Variants in IGSF22 observed in about 807,000 individuals in gnomAD.
IGSF22 encodes immunoglobulin superfamily member 22.
A neutral mutation model predicts 127.0 loss-of-function variants in IGSF22; 119 were observed. That is an observed-to-expected ratio of 0.94 (90% CI 0.81 to 1.09). The LOEUF is 1.09. IGSF22 is among the 50% of genes least tolerant of loss of function. IGSF22 has a pLI of 0.00. For missense variants in IGSF22, 1,518 were observed against 1,716.6 expected, an observed-to-expected ratio of 0.88 and a Z score of 2.04; for synonymous variants, 568 against 664.7, an observed-to-expected ratio of 0.85 and a Z score of 2.24.
chr11:18,707,067 A>C lies in IGSF22; in HGVS notation c.3427T>G (p.Tyr1143Asp). 1.9e-6 allele frequency: 3 copies of C among 1,551,704 alleles called. No homozygotes were observed. The highest frequency in any genetic ancestry group is 2.6e-6 in the Non-Finnish European group (3 of 1,146,982). The change falls in exon 21 of 23, where the codon TAC (tyrosine) becomes GAC (aspartate). Residue 1143 changes from tyrosine to aspartate, a missense_variant. By Grantham distance (160) the Tyr-to-Asp change is radical. Around this residue, in one of 3 missense-constraint regions of IGSF22, gnomAD observed 1,456 missense variants for 1,644.9 expected, o/e 0.89. Transcript: ENST00000513874. ...MKRDASTATW[Y>D]TAAERVFSNK... is the part of the protein sequence containing the mutation. ...CTGAAGACACGCTCGGCTGCCGTGTACCAGGTGGCTGTGCTTGCATCCCGC... is the reference window on the plus strand; with the variant it reads ...CTGAAGACACGCTCGGCTGCCGTGTCCCAGGTGGCTGTGCTTGCATCCCGC...
chr11:18,720,701 G>C (rs1026072202), intron 4 of IGSF22, among the ~76,000 whole-genome samples: 1 of 152,198 alleles, frequency 6.6e-6, no homozygotes, highest in Admixed American at 6.5e-5. Context: ...ATGCCCGTCT[G>C]CATGGTGCTT....
At chr11:18,718,779 G>C (rs1350063509) in intron 7 of IGSF22, 51 bp from the exon 8 acceptor site, 3 of 1,104,044 alleles carry the variant, frequency 2.7e-6, no homozygotes, top group African/African-American at 3.1e-5. Context: ...CCCAAAGCCT[G>C]CCCAGACTGT....
rs1309546913 is a variant in IGSF22, at chr11:18,710,804, G to A, written c.2423C>T (p.Pro808Leu). 1 of 1,613,502 alleles carries A rather than the reference G, an allele frequency of 6.2e-7. No homozygotes were observed. Among genetic ancestry groups the A allele is most frequent in the Non-Finnish European group, 8.5e-7 (1 of 1,179,410 alleles). Reference protein sequence around the residue: ...PIEPPGFASQPQVTDVTKEAV... With the variant: ...PIEPPGFASQLQVTDVTKEAV... Reference sequence around the variant, plus strand: ...TTCTTTAGTCACATCAGTCACTTGAGGCTGGGAGGCAAAACCAGGAGGCTC... The same window carrying A: ...TTCTTTAGTCACATCAGTCACTTGAAGCTGGGAGGCAAAACCAGGAGGCTC... The change falls in exon 16 of 23, where the codon CCT becomes CTT. Residue 808 changes from proline (P) to leucine (L), a missense_variant. By Grantham distance (98) the Pro-to-Leu change is moderately conservative. Coordinates refer to ENST00000513874, the MANE Select transcript of IGSF22 (RefSeq NM_173588.4).
At position 18,717,966 on chromosome 11, in the gene IGSF22, C is replaced by G. The variant is rs574125751; in HGVS notation, c.938G>C (p.Gly313Ala). Residue 313 changes from glycine (G) to alanine (A), a missense_variant, in exon 9 of 23, where the codon GGC (glycine) becomes GCC (alanine). Around this residue, in one of 3 missense-constraint regions of IGSF22, gnomAD observed 1,456 missense variants for 1,644.9 expected, o/e 0.89. Coordinates refer to ENST00000513874, the MANE Select transcript of IGSF22 (RefSeq NM_173588.4). ...NDAGIYSLSV[G>A]DKRMSAELTV... is the part of the protein sequence containing the mutation. ...GAGCTCTGCACTCATCCGCTTATCG[C>G]CCACGGACAGGCTGTAGATGCCAGC... The G allele has an allele frequency of 8.1e-6, 13 of 1,614,210 alleles. No individual in the cohort carries two copies. In the East Asian group the frequency reaches 2.9e-4, roughly 36 times the overall value.
rs530655969 is a variant in IGSF22 at position 18,712,125 on chromosome 11, A to G, written c.2355T>C (p.Ser785=). ...ACACTTCTTCTGTCTCCAGTGGGTC[A>G]CTCACACCTTCTGAATTGACTGCCA... ...RILAVNSEGV[S]DPLETEEVFA... The change falls in exon 15 of 23, where the codon AGT becomes AGC. Residue 785 remains serine (S), a synonymous_variant. Coordinates refer to ENST00000513874, the MANE Select transcript of IGSF22 (RefSeq NM_173588.4). 65 of 1,551,660 alleles carry G rather than the reference A, an allele frequency of 4.2e-5. No individual in the cohort carries two copies. Among genetic ancestry groups the G allele is most frequent in the Non-Finnish European group, 5.6e-5 (64 of 1,146,972 alleles).
Position 18,707,188 on chromosome 11 carries a change from T to C in IGSF22, c.3306A>G (p.Leu1102=), listed in dbSNP as rs1448405541. The change falls in exon 21 of 23, where the codon CTA becomes CTG. Residue 1102 remains leucine, a synonymous_variant. Transcript: ENST00000513874. ...TGTTGGGGACTTCCTCAAACAACCG[T>C]AGGTTTGTGGGGGGCCGAGGGAAAT... The part of the protein sequence containing the change: ...VADFPRPPTN[L]RLFEEVPNTV... 7 of 1,541,832 alleles carry C rather than the reference T, an allele frequency of 4.5e-6. No homozygotes were observed. The highest frequency in any genetic ancestry group is 3.6e-5 in the South Asian group (3 of 82,944).
rs1432526283 is a variant in IGSF22, at chr11:18,713,852, C to T, written c.2095G>A (p.Asp699Asn). Residue 699 changes from aspartate (D) to asparagine (N), a missense_variant and splice_region_variant, in exon 14 of 23, where the codon GAC becomes AAC. By Grantham distance (23) the Asp-to-Asn change is conservative (BLOSUM62 1). This residue lies in a region of IGSF22 where 1,456 missense variants were observed against 1,644.9 expected (regional missense o/e 0.89). Transcript: ENST00000513874. ...ATATLHLSVL[D>N]RPKPPQGRVE... ...CAGCCCGGACTGGCCCTGCCCTGAC[C>T]CAGCACACTAAGGTGCAGAGTGGCC... is the stretch of plus-strand genomic sequence containing the variant. 1 of 1,610,628 alleles carries T rather than the reference C, an allele frequency of 6.2e-7. No homozygotes were observed. The highest frequency in any genetic ancestry group is 8.5e-7 in the Non-Finnish European group (1 of 1,178,402).
chr11:18,714,197 C>A, intron 13 of IGSF22, 49 bp from the exon 14 acceptor site: 1 of 1,594,594 alleles, frequency 6.3e-7, no homozygotes, highest in Non-Finnish European at 8.5e-7. Context: ...ATGGAGGAGC[C>A]CATGGGGCGG....
chr11:18,707,062 CGT>C lies in IGSF22; in HGVS notation c.3430_3431del (p.Thr1144GlyfsTer30). 6.4e-7 allele frequency: 1 copy of C among 1,551,740 alleles called. No homozygotes were observed. Among genetic ancestry groups the C allele is most frequent in the Non-Finnish European group, 8.7e-7 (1 of 1,147,006 alleles). ...KRDASTATWY[T>X]AAERVFSNKY... is the part of the protein sequence containing the mutation. ...TGTTGCTGAAGACACGCTCGGCTGC[CGT>C]GTACCAGGTGGCTGTGCTTGCATCC... On this transcript the variant is annotated frameshift_variant, in exon 21 of 23. Transcript: ENST00000513874. LOFTEE classifies it high-confidence loss of function.
In IGSF22 at chr11:18,707,932, A is replaced by G; in HGVS notation, c.3152T>C (p.Ile1051Thr). Residue 1051 changes from isoleucine to threonine, a missense_variant, in exon 20 of 23, where the codon ATT (isoleucine) becomes ACT (threonine). By Grantham distance (89) the Ile-to-Thr change is moderately conservative (BLOSUM62 -1). Around this residue, in one of 3 missense-constraint regions of IGSF22, gnomAD observed 1,456 missense variants for 1,644.9 expected, o/e 0.89. Coordinates refer to ENST00000513874, the MANE Select transcript of IGSF22 (RefSeq NM_173588.4). Reference protein sequence around the residue: ...DGVPTKGRETITKSKNHSQFL... With the variant: ...DGVPTKGRETTTKSKNHSQFL... The stretch of plus-strand genomic sequence containing the variant: ...CTGGGAGTGGTTTTTGCTCTTGGTA[A>G]TTGTCTCTCGGCCCTTGGTGGGAAC... 2 of 1,614,140 alleles carry G rather than the reference A, an allele frequency of 1.2e-6. No homozygotes were observed. Among genetic ancestry groups the G allele is most frequent in the Non-Finnish European group, 1.7e-6 (2 of 1,180,020 alleles).
rs1848326536 is a variant in IGSF22, at chr11:18,710,263, T to A, written c.2701+64A>T. The A allele has an allele frequency of 1.6e-5, 26 of 1,588,382 alleles. No homozygotes were observed. The South Asian group carries it at 2.9e-4, about 18-fold the overall frequency. ...GTGTCATACTTTCCCGGGGAAGAAATTCTTTCTCTACTTTGAATGGGCTAA... is the reference window on the plus strand; with the variant it reads ...GTGTCATACTTTCCCGGGGAAGAAAATCTTTCTCTACTTTGAATGGGCTAA... On this transcript the variant is annotated intron_variant, in intron 17 of 22. Coordinates refer to ENST00000513874, the MANE Select transcript of IGSF22 (RefSeq NM_173588.4).
At position 18,710,677 on chromosome 11, in the gene IGSF22, T is replaced by G. The variant is rs764501894; in HGVS notation, c.2550A>C (p.Pro850=). The change falls in exon 16 of 23, where the codon CCA becomes CCC. Residue 850 remains proline, a synonymous_variant. Coordinates refer to ENST00000513874, the MANE Select transcript of IGSF22 (RefSeq NM_173588.4). ...CACCCTGGATGGGGTCCTTGTTGACTGGCACCCACAGGTTGCTGCCTTTCT... is the reference window on the plus strand; with the variant it reads ...CACCCTGGATGGGGTCCTTGTTGACGGGCACCCACAGGTTGCTGCCTTTCT... ...RRKKGSNLWV[P]VNKDPIQGTK... 6.2e-7 allele frequency: 1 copy of G among 1,613,024 alleles called. No individual in the cohort carries two copies. The highest frequency in any genetic ancestry group is 8.5e-7 in the Non-Finnish European group (1 of 1,178,992).
rs1312994121 is a variant in IGSF22 at position 18,707,107 on chromosome 11, G to C, written c.3387C>G (p.His1129Gln). Residue 1129 changes from histidine to glutamine, a missense_variant, in exon 21 of 23, where the codon CAC becomes CAG. Physicochemically the swap from His to Gln is conservative, Grantham distance 24. Around this residue, in one of 3 missense-constraint regions of IGSF22, gnomAD observed 1,456 missense variants for 1,644.9 expected, o/e 0.89. Coordinates refer to ENST00000513874, the MANE Select transcript of IGSF22 (RefSeq NM_173588.4). The stretch of plus-strand genomic sequence containing the variant: ...TTGCATCCCGCTTCATGATGATGTA[G>C]TGAGCCTCACCGTCCTCCTGCACAT... ...SPDVQEDGEAHYIIMKRDAST... is the reference protein window; with the variant it reads ...SPDVQEDGEAQYIIMKRDAST... 1 of 1,551,694 alleles carries C rather than the reference G, an allele frequency of 6.4e-7. No individual in the cohort carries two copies. The highest frequency in any genetic ancestry group is 8.7e-7 in the Non-Finnish European group (1 of 1,146,984).
chr11:18,716,342 A>T lies in IGSF22; in HGVS notation c.1246+386T>A, dbSNP rs1848463183. Reference sequence around the variant, plus strand: ...TGCGGTTCAGATGTGTGACATGCTCATTGGTGTACCTACATTATGTGCGAA... The same window carrying T: ...TGCGGTTCAGATGTGTGACATGCTCTTTGGTGTACCTACATTATGTGCGAA... On this transcript the variant is annotated intron_variant, in intron 10 of 22. Coordinates refer to ENST00000513874, the MANE Select transcript of IGSF22 (RefSeq NM_173588.4). This position sits in a 1 kb window ranked among gnomAD's most constrained non-coding sequence, Gnocchi z 4.5. Among the ~76,000 whole-genome samples the T allele has an allele frequency of 6.6e-6, 1 of 152,156 alleles. No individual in the cohort carries two copies. The highest frequency in any genetic ancestry group is 1.5e-5 in the Non-Finnish European group (1 of 68,030).
chr11:18,704,756 A>G (rs1004992602), intron 22 of IGSF22: 1 of 529,004 alleles, frequency 1.9e-6, no homozygotes, highest in Non-Finnish European at 3.4e-6. Context: ...TTTAAGCCTC[A>G]TAGTCCTATA....
At chr11:18,715,773 G>A in intron 10 of IGSF22, 57 bp from the exon 11 acceptor site, 1 of 1,547,748 alleles carries the variant, frequency 6.5e-7, no homozygotes, top group East Asian at 2.3e-5. Flanking sequence ...TTTTTCTGCA[G>A]CTATAGAGCC....
chr11:18,714,701 A>G, intron 11 of IGSF22, 77 bp from the exon 12 acceptor site: 8 of 1,551,932 alleles, frequency 5.2e-6, no homozygotes, highest in Non-Finnish European at 7.0e-6. Flanking sequence ...GCTGGTAGCG[A>G]TGGTCATGGG....
rs771358065 is a variant in IGSF22 at position 18,716,438 on chromosome 11, T to C, written c.1246+290A>G. Among the ~76,000 whole-genome samples, 4 of 152,186 alleles carry C rather than the reference T, an allele frequency of 2.6e-5. No individual in the cohort carries two copies. The highest frequency in any genetic ancestry group is 4.4e-5 in the Non-Finnish European group (3 of 68,044). On this transcript the variant is annotated intron_variant, in intron 10 of 22. Coordinates refer to ENST00000513874, the MANE Select transcript of IGSF22 (RefSeq NM_173588.4). The surrounding 1 kb of genome is among the most constrained non-coding windows in gnomAD (Gnocchi z 4.5). ...CACAGATGTGCTGTAATATATGACATTAGAGACATAGACTAATACTTTCTT... is the reference window on the plus strand; with the variant it reads ...CACAGATGTGCTGTAATATATGACACTAGAGACATAGACTAATACTTTCTT...
intron 22 of IGSF22, 195 bp downstream of exon 22, chr11:18,705,622 A>G (rs770585362): frequency 4.0e-5 from 24 of 599,750 alleles, no homozygotes; most frequent in Non-Finnish European, 6.5e-5. Context: ...TCATGTCTGC[A>G]GGGGCCAGGC....
Sources: gnomAD v4.1 joint callset for allele counts (sites outside exome capture counted in the v4.1 genomes callset) on GRCh38, gnomAD v4.1.1 for gene constraint, gnomAD v4.1.1 regional missense constraint, Gnocchi (gnomAD v3.1) non-coding constraint, MANE v1.5 for transcripts, NCBI Gene and HGNC (gene_info 2026-07-23, HGNC 2026-07-21) for gene names.